The following PCSK5 variants were observed in gnomAD, a reference collection of about 807,000 sequenced individuals.
The protein encoded by PCSK5 is prohormone convertase 5.
Under a neutral mutation model 233.2 loss-of-function variants are expected in PCSK5, and 129 were observed. The observed-to-expected ratio is 0.55, with a 90% CI of 0.48 to 0.64. The LOEUF is 0.64. PCSK5 is among the 30% of genes least tolerant of loss of function. The pLI, the probability that PCSK5 is intolerant of heterozygous loss-of-function variation, is 0.00. For synonymous variants in PCSK5, 825 were observed against 879.2 expected (o/e 0.94, Z 1.09); for missense variants, 2,076 against 2,430.1 (o/e 0.85, Z 3.06).
intron 13 of PCSK5, among the ~76,000 whole-genome samples, chr9:76,170,815 A>G (rs1270376584): frequency 1.3e-5 from 2 of 152,238 alleles, no homozygotes; most frequent in Admixed American, 6.5e-5. Flanking sequence ...GGCACACAGC[A>G]GAACACAGGG....
chr9:76,192,613 T>TAATTCTTCTTCTTG (rs1192973350), intron 20 of PCSK5, among the ~76,000 whole-genome samples: 5 of 84,174 alleles, frequency 5.9e-5, no homozygotes, highest in African/African-American at 1.5e-4. Flanking sequence ...GTGTTGAATT[T>TAATTCTTCTTCTTG]AATTCTTCTT....
At position 75,932,448 on chromosome 9, in the gene PCSK5, A is replaced by G; in HGVS notation, c.262A>G (p.Arg88Gly). 1 of 1,612,910 alleles carries G rather than the reference A, an allele frequency of 6.2e-7. No homozygotes were observed. Among genetic ancestry groups the G allele is most frequent in the Admixed American group, 1.7e-5 (1 of 60,002 alleles). ...GATTAAAAGGTCAGTTATCTCGAGCAGAGGGACCCACAGTTTCATTTCAAT... is the reference window on the plus strand; with the variant it reads ...GATTAAAAGGTCAGTTATCTCGAGCGGAGGGACCCACAGTTTCATTTCAAT... ...RTIKRSVISS[R>G]GTHSFISMEP... is the part of the protein sequence containing the mutation. Residue 88 changes from arginine (R) to glycine (G), a missense_variant, in exon 2 of 38, where the codon AGA (arginine) becomes GGA (glycine). By Grantham distance (125) the Arg-to-Gly change is moderately radical (BLOSUM62 -2). Transcript: ENST00000674117.
chr9:75,997,164 T>C (rs1245884616), intron 3 of PCSK5, among the ~76,000 whole-genome samples: 2 of 152,318 alleles, frequency 1.3e-5, no homozygotes, highest in East Asian at 3.9e-4. Context: ...CATTTACAAA[T>C]TCACAGAACC....
In PCSK5 at chr9:76,151,933, C is replaced by A. The variant is rs538393724; in HGVS notation, c.1313-5112C>A. On this transcript the variant is annotated intron_variant, in intron 10 of 37. Coordinates refer to ENST00000674117, the MANE Select transcript of PCSK5 (RefSeq NM_001372043.1). ...TATGGTGTTGAATACAGAGTAGGTG[C>A]TTTACAACCTGAGTGATATAATAAT... 2.6e-5 allele frequency among the ~76,000 whole-genome samples: 4 copies of A among 152,254 alleles called. No homozygotes were observed. The South Asian group carries it at 8.3e-4, about 32-fold the overall frequency.
chr9:76,054,660 A>C (rs1829757391), intron 5 of PCSK5, among the ~76,000 whole-genome samples: 1 of 152,240 alleles, frequency 6.6e-6, no homozygotes, highest in Admixed American at 6.5e-5. Flanking sequence ...TATTTTTAAA[A>C]ATACTGTTTT....
intron 2 of PCSK5, among the ~76,000 whole-genome samples, chr9:75,979,357 G>C (rs992880155): frequency 2.6e-5 from 4 of 152,108 alleles, no homozygotes; most frequent in African/African-American, 9.7e-5. Context: ...TCATGCTTTA[G>C]AGGGCCTTGC....
At chr9:76,295,513 C>A in intron 26 of PCSK5, 102 bp downstream of exon 26, 1 of 1,019,016 alleles carries the variant, frequency 9.8e-7, no homozygotes, top group Non-Finnish European at 1.5e-6. Context: ...AGAGTCTGTG[C>A]GTGTGGGCAC....
At position 76,323,294 on chromosome 9, in the gene PCSK5, G is replaced by C; in HGVS notation, c.4339+6G>C. 2.6e-6 allele frequency: 4 copies of C among 1,535,398 alleles called. No homozygotes were observed. The highest frequency in any genetic ancestry group is 3.6e-6 in the Non-Finnish European group (4 of 1,111,216). Reference sequence around the variant, plus strand: ...GGAGACTAAGGAGTGCAGAGGTAAAGACTTCTGGGATTCAAAATAGGCTCC... The same window carrying C: ...GGAGACTAAGGAGTGCAGAGGTAAACACTTCTGGGATTCAAAATAGGCTCC... On this transcript the variant is annotated splice_donor_region_variant and intron_variant, in intron 32 of 37. Coordinates refer to ENST00000674117, the MANE Select transcript of PCSK5 (RefSeq NM_001372043.1).
chr9:76,023,912 C>T (rs755092008), intron 4 of PCSK5, 31 bp downstream of exon 4: 1 of 1,558,486 alleles, frequency 6.4e-7, no homozygotes, highest in Non-Finnish European at 8.7e-7. Flanking sequence ...GAAGGTCTTT[C>T]CTTCTGGGAA....
intron 24 of PCSK5, among the ~76,000 whole-genome samples, chr9:76,255,867 T>C (rs759967921): frequency 6.6e-6 from 1 of 152,138 alleles, no homozygotes; most frequent in Non-Finnish European, 1.5e-5. Context: ...ATCCTCATTT[T>C]ATAGATGAAA....
At position 76,292,244 on chromosome 9, in the gene PCSK5, A is replaced by C; in HGVS notation, c.3154A>C (p.Thr1052Pro). 1 of 1,573,938 alleles carries C rather than the reference A, an allele frequency of 6.4e-7. No homozygotes were observed. The highest frequency in any genetic ancestry group is 1.1e-5 in the South Asian group (1 of 89,638). ...TTTTTTTTTTCCAGATGATCCAGGA[A>C]CATGTACATCTTGCGCTATGGGGTA... ...CLGCSLDDPG[T>P]CTSCAMGYYR... The change falls in exon 25 of 38, where the codon ACA (threonine) becomes CCA (proline). Residue 1052 changes from threonine (T) to proline (P), a missense_variant. Physicochemically the swap from Thr to Pro is conservative, Grantham distance 38 (BLOSUM62 -1). Around this residue, in one of 6 missense-constraint regions of PCSK5, gnomAD observed 1,510 missense variants for 1,538.1 expected, o/e 0.98. Transcript: ENST00000674117.
intron 23 of PCSK5, among the ~76,000 whole-genome samples, chr9:76,240,080 C>T (rs1208642213): frequency 1.3e-5 from 2 of 152,208 alleles, no homozygotes; most frequent in Non-Finnish European, 2.9e-5. Flanking sequence ...AGTTTCGGCT[C>T]TCTTCTATGT....
chr9:75,939,779 G>T (rs912489258), intron 2 of PCSK5, among the ~76,000 whole-genome samples: 2 of 152,028 alleles, frequency 1.3e-5, no homozygotes, highest in Non-Finnish European at 2.9e-5. Context: ...TATCTTGAAG[G>T]TTCTAGCCTA....
At chr9:76,276,602 C>T (rs1827694831) in intron 24 of PCSK5, among the ~76,000 whole-genome samples, 2 of 152,290 alleles carry the variant, frequency 1.3e-5, no homozygotes, top group African/African-American at 4.8e-5. Context: ...AACACCTGCC[C>T]TCAGAACCTC....
At chr9:75,900,500 G>A (rs918277686) in intron 1 of PCSK5, among the ~76,000 whole-genome samples, 1 of 151,746 alleles carries the variant, frequency 6.6e-6, no homozygotes, top group African/African-American at 2.4e-5. Context: ...GTAACATGGT[G>A]AAACCCTGTC....
chr9:76,170,226 GT>G (rs1404726638), intron 13 of PCSK5, among the ~76,000 whole-genome samples: 3 of 152,138 alleles, frequency 2.0e-5, no homozygotes, highest in South Asian at 2.1e-4. Context: ...TTTCTTTTTA[GT>G]TTTCCCTAAA....
intron 9 of PCSK5, among the ~76,000 whole-genome samples, chr9:76,127,253 G>A (rs1441124680): frequency 6.6e-6 from 1 of 152,176 alleles, no homozygotes; most frequent in East Asian, 1.9e-4. Context: ...ATGTAGAAAA[G>A]TATCAAAAGC....
At chr9:76,233,655 C>T (rs983336180) in intron 22 of PCSK5, 59 bp downstream of exon 22, 2 of 1,522,186 alleles carry the variant, frequency 1.3e-6, no homozygotes, top group African/African-American at 1.4e-5. Context: ...TTCTGATGGC[C>T]ATCATTTGGT....
At chr9:76,002,059 A>G (rs1404684143) in intron 3 of PCSK5, among the ~76,000 whole-genome samples, 1 of 152,228 alleles carries the variant, frequency 6.6e-6, no homozygotes, top group Non-Finnish European at 1.5e-5. Context: ...CCATAGAAGA[A>G]AAGTAAATTG....
Sources: gnomAD v4.1 joint callset for allele counts (sites outside exome capture counted in the v4.1 genomes callset) on GRCh38, gnomAD v4.1.1 for gene constraint, gnomAD v4.1.1 regional missense constraint, MANE v1.5 for transcripts, NCBI Gene and HGNC (gene_info 2026-07-23, HGNC 2026-07-21) for gene names.